The following PBX3 variants were observed in gnomAD, a reference collection of about 807,000 sequenced individuals.
PBX3 encodes the protein pre-B-cell leukemia transcription factor 3.
A neutral mutation model predicts 48.5 loss-of-function variants in PBX3; 14 were observed. The observed-to-expected ratio is 0.29, with a 90% CI of 0.19 to 0.45. The LOEUF (loss-of-function observed/expected upper bound fraction) is 0.45, where lower values mean the gene tolerates loss of function less well. Ranked by LOEUF, PBX3 falls within the 20% of genes least tolerant of loss-of-function variation. PBX3 has a pLI of 1.00. For synonymous variants in PBX3, 210 were observed against 200.3 expected (o/e 1.05, Z -0.41); for missense variants, 386 against 546.7 (o/e 0.71, Z 2.93).
intron 2 of PBX3, among the ~76,000 whole-genome samples, chr9:125,824,216 G>T (rs1052627937): frequency 1.3e-5 from 2 of 152,176 alleles, no homozygotes; most frequent in Non-Finnish European, 2.9e-5. Flanking sequence ...TGTCCTGAAA[G>T]TGAAAGTAAG....
In PBX3 at chr9:125,857,842, A is replaced by G. The variant is rs111293619; in HGVS notation, c.275-57844A>G. Among the ~76,000 whole-genome samples, 1,298 of 152,366 alleles carry G rather than the reference A, an allele frequency of 8.5e-3. 9 individuals are homozygous for G. The highest frequency in any genetic ancestry group is 0.015 in the Non-Finnish European group (1,025 of 68,036). On this transcript the variant is annotated intron_variant, in intron 2 of 8. Coordinates refer to ENST00000373489, the MANE Select transcript of PBX3 (RefSeq NM_006195.6). ...AAGTAAAAGTGTATGTAAACACATT[A>G]TATGTGAATCAGGGGATTTTATGAC...
intron 2 of PBX3, among the ~76,000 whole-genome samples, chr9:125,779,223 C>T: frequency 7.2e-6 from 1 of 138,124 alleles, no homozygotes; most frequent in African/African-American, 2.7e-5. Context: ...TCTCTGTTGT[C>T]ATGTGTGTCA....
chr9:125,802,359 A>AT (rs57805307), intron 2 of PBX3, among the ~76,000 whole-genome samples: 20,064 of 66,962 alleles, frequency 0.3, 3,773 homozygotes, highest in Non-Finnish European at 0.34. Context: ...ACATTAGTGC[A>AT]TTTTTTTTTT....
At chr9:125,864,595 A>G (rs1839936545) in intron 2 of PBX3, among the ~76,000 whole-genome samples, 1 of 152,218 alleles carries the variant, frequency 6.6e-6, no homozygotes, top group South Asian at 2.1e-4. Flanking sequence ...ACAGATTATC[A>G]GGCATTAGAT....
intron 2 of PBX3, among the ~76,000 whole-genome samples, chr9:125,881,382 T>C (rs1840377630): frequency 6.6e-6 from 1 of 152,304 alleles, no homozygotes; most frequent in South Asian, 2.1e-4. Context: ...TCTGTGTCAC[T>C]GGCTGCTGAC....
At chr9:125,913,670 A>G (rs1024849148) in intron 2 of PBX3, among the ~76,000 whole-genome samples, 3 of 152,154 alleles carry the variant, frequency 2.0e-5, no homozygotes, top group African/African-American at 7.2e-5. Context: ...TTAATCTGCT[A>G]TTAAAGTACT....
At chr9:125,756,258 A>C (rs1027904988) in intron 2 of PBX3, among the ~76,000 whole-genome samples, 3 of 152,156 alleles carry the variant, frequency 2.0e-5, no homozygotes, top group African/African-American at 7.2e-5. Context: ...GGAATTTCAT[A>C]CTGGATTCAG....
intron 2 of PBX3, among the ~76,000 whole-genome samples, chr9:125,837,525 T>G (rs1839172177): frequency 6.6e-6 from 1 of 151,902 alleles, no homozygotes; most frequent in African/African-American, 2.4e-5. Flanking sequence ...CTTTTTGCAT[T>G]TTGAACTATG....
chr9:125,814,162 CA>C (rs565547086), intron 2 of PBX3, among the ~76,000 whole-genome samples: 4,366 of 95,394 alleles, frequency 0.046, 259 homozygotes, highest in African/African-American at 0.15. Context: ...GACTCCATCT[CA>C]AAAAAAAAAA....
intron 2 of PBX3, among the ~76,000 whole-genome samples, chr9:125,840,053 C>T (rs1839246358): frequency 6.6e-6 from 1 of 152,004 alleles, no homozygotes; most frequent in East Asian, 1.9e-4. Context: ...TGGGTATCAG[C>T]AGAGAGATTT....
intron 7 of PBX3, 143 bp from the exon 8 acceptor site, chr9:125,962,868 TG>T (rs752595714): frequency 6.6e-6 from 3 of 452,876 alleles, no homozygotes; most frequent in Non-Finnish European, 1.2e-5. Flanking sequence ...GTTGAAATTC[TG>T]CCAGTCACAT....
chr9:125,842,266 T>C (rs10986972), intron 2 of PBX3, among the ~76,000 whole-genome samples: 1 of 152,154 alleles, frequency 6.6e-6, no homozygotes, highest in Non-Finnish European at 1.5e-5. Context: ...TTGACAACTT[T>C]ACTCAATTCT....
At chr9:125,816,416 T>G (rs1343887495) in intron 2 of PBX3, among the ~76,000 whole-genome samples, 1 of 152,244 alleles carries the variant, frequency 6.6e-6, no homozygotes, top group Non-Finnish European at 1.5e-5. Context: ...TCCAGAGCGA[T>G]GCTTGCTTTT....
intron 2 of PBX3, among the ~76,000 whole-genome samples, chr9:125,852,292 T>C (rs1185498077): frequency 6.6e-6 from 1 of 152,192 alleles, no homozygotes; most frequent in Non-Finnish European, 1.5e-5. Context: ...AAAGTTCATT[T>C]AGTGCCAGAT....
At chr9:125,863,417 G>A (rs571090195) in intron 2 of PBX3, among the ~76,000 whole-genome samples, 1 of 151,744 alleles carries the variant, frequency 6.6e-6, no homozygotes, top group Admixed American at 6.6e-5. Context: ...TCACCATGTT[G>A]GCCAGGATTG....
intron 5 of PBX3, among the ~76,000 whole-genome samples, chr9:125,950,221 T>G (rs896781703): frequency 6.6e-6 from 1 of 152,198 alleles, no homozygotes; most frequent in Non-Finnish European, 1.5e-5. Flanking sequence ...CAGATGAACC[T>G]CTTTGTGAAT....
chr9:125,875,146 G>A (rs1938050998), intron 2 of PBX3, among the ~76,000 whole-genome samples: 1 of 152,086 alleles, frequency 6.6e-6, no homozygotes, highest in South Asian at 2.1e-4. Flanking sequence ...AACTCCTAGT[G>A]TACACACATT....
intron 2 of PBX3, among the ~76,000 whole-genome samples, chr9:125,900,550 T>C (rs959333835): frequency 1.8e-4 from 28 of 151,816 alleles, no homozygotes; most frequent in Admixed American, 8.6e-4. Context: ...CATAATTGTA[T>C]GTAGTGCAGA....
intron 2 of PBX3, among the ~76,000 whole-genome samples, chr9:125,803,157 G>A (rs923822844): frequency 2.8e-5 from 4 of 144,510 alleles, no homozygotes; most frequent in South Asian, 2.2e-4. Flanking sequence ...GCAGTGGTGC[G>A]ATCTCCCCTC....
Sources: gnomAD v4.1 joint callset for allele counts (sites outside exome capture counted in the v4.1 genomes callset) on GRCh38, gnomAD v4.1.1 for gene constraint, MANE v1.5 for transcripts, NCBI Gene and HGNC (gene_info 2026-07-23, HGNC 2026-07-21) for gene names.